AFF1: variants seen among roughly 807,000 people sequenced by gnomAD.
The protein encoded by AFF1 is ALF transcription elongation factor 1.
AFF1 carries 48 observed loss-of-function variants against 121.7 expected under a neutral mutation model. The ratio of observed to expected loss-of-function variants is 0.39; its 90% CI spans 0.31 to 0.50. AFF1 has a LOEUF of 0.50. Ranked by LOEUF, AFF1 falls within the 20% of genes least tolerant of loss-of-function variation. The probability of loss-of-function intolerance (pLI) is 0.76; values close to 1 mark genes in which losing one functional copy is unlikely to be tolerated. For missense variants in AFF1, 1,523 were observed against 1,511.7 expected (o/e 1.01, Z -0.12); for synonymous variants, 613 against 563.0 (o/e 1.09, Z -1.26).
intron 8 of AFF1, among the ~76,000 whole-genome samples, chr4:87,099,606 G>A (rs1225428418): frequency 6.6e-6 from 1 of 152,004 alleles, no homozygotes; most frequent in Non-Finnish European, 1.5e-5. Context: ...ACGGGGTTTC[G>A]CCGTTTGGCC....
intron 5 of AFF1, among the ~76,000 whole-genome samples, chr4:87,089,332 C>CAT (rs1724065369): frequency 6.6e-6 from 1 of 152,108 alleles, no homozygotes; most frequent in Non-Finnish European, 1.5e-5. Context: ...TGTCAAGATA[C>CAT]ATATATCAAT....
chr4:86,958,371 G>GT (rs1448458124), intron 2 of AFF1, among the ~76,000 whole-genome samples: 1 of 152,172 alleles, frequency 6.6e-6, no homozygotes, highest in Non-Finnish European at 1.5e-5. Context: ...GATTACAGGC[G>GT]TGAGTCACCG....
chr4:87,003,998 A>G (rs537281896), intron 2 of AFF1, among the ~76,000 whole-genome samples: 1 of 152,368 alleles, frequency 6.6e-6, no homozygotes, highest in Admixed American at 6.5e-5. Context: ...AGCATGATCT[A>G]GGTAAATGGC....
In AFF1 at chr4:87,137,250, CT is replaced by C. The variant is rs753137901; in HGVS notation, c.*1550del. The C allele has an allele frequency of 8.8e-5, 20 of 228,484 alleles. No homozygotes were observed. The highest frequency in any genetic ancestry group is 3.6e-4 in the South Asian group (2 of 5,484). 14.2% of individuals were successfully genotyped at this position (228,484 alleles called of 1,614,324 possible). On this transcript the variant is annotated 3_prime_UTR_variant, in exon 21 of 21. Coordinates refer to ENST00000395146, the MANE Select transcript of AFF1 (RefSeq NM_001166693.3). ...TCTCCGCCTTTGTCCCATTCTGCCC[CT>C]GTACATGTTTCCTACCAAGCATGTT...
chr4:86,968,983 A>G (rs1417883494), intron 2 of AFF1, among the ~76,000 whole-genome samples: 2 of 152,162 alleles, frequency 1.3e-5, no homozygotes, highest in African/African-American at 4.8e-5. Flanking sequence ...TTGTGAAGAA[A>G]AAAGGAGAGA....
At chr4:87,086,203 T>C (rs1723717844) in intron 5 of AFF1, among the ~76,000 whole-genome samples, 2 of 152,348 alleles carry the variant, frequency 1.3e-5, no homozygotes, top group African/African-American at 4.8e-5. Context: ...AATTATATAC[T>C]GTGGCCTTGG....
At chr4:87,119,158 CTA>C (rs1194601902) in intron 12 of AFF1, among the ~76,000 whole-genome samples, 1 of 152,152 alleles carries the variant, frequency 6.6e-6, no homozygotes, top group Non-Finnish European at 1.5e-5. Context: ...CATGCCTGGC[CTA>C]TGTTTTCTTC....
intron 8 of AFF1, among the ~76,000 whole-genome samples, chr4:87,096,493 A>G (rs573328906): frequency 6.7e-6 from 1 of 149,556 alleles, no homozygotes; most frequent in Non-Finnish European, 1.5e-5. Flanking sequence ...CAGCCTCCCA[A>G]AGTGCTGAGA....
chr4:87,031,772 G>A, intron 2 of AFF1, among the ~76,000 whole-genome samples: 1 of 152,166 alleles, frequency 6.6e-6, no homozygotes, highest in East Asian at 1.9e-4. Context: ...TTTACTTGCA[G>A]TGGATATATT....
At chr4:86,940,534 G>C (rs1308982689) in intron 1 of AFF1, among the ~76,000 whole-genome samples, 1 of 152,068 alleles carries the variant, frequency 6.6e-6, no homozygotes, top group East Asian at 1.9e-4. Flanking sequence ...GAATAGCTGG[G>C]ATCACAGGCA....
intron 14 of AFF1, 87 bp downstream of exon 14, chr4:87,126,423 A>C: frequency 8.0e-7 from 1 of 1,251,504 alleles, no homozygotes; most frequent in South Asian, 1.3e-5. Flanking sequence ...TAGTGATGGC[A>C]CTTCAGAACT....
chr4:87,022,604 G>A (rs13103799), intron 2 of AFF1, among the ~76,000 whole-genome samples: 7 of 97,958 alleles, frequency 7.1e-5, no homozygotes, highest in African/African-American at 1.1e-4. Flanking sequence ...CTATCTGTGT[G>A]TATATATATC....
At chr4:86,939,433 C>T (rs1720295015) in intron 1 of AFF1, among the ~76,000 whole-genome samples, 1 of 152,120 alleles carries the variant, frequency 6.6e-6, no homozygotes, top group Non-Finnish European at 1.5e-5. Context: ...TCTTTCTGAT[C>T]ACTATGGGAA....
chr4:87,116,371 T>C (rs924176957), intron 12 of AFF1, among the ~76,000 whole-genome samples: 2 of 152,206 alleles, frequency 1.3e-5, no homozygotes, highest in African/African-American at 4.8e-5. Context: ...TGCTTTTTCA[T>C]GATGATGAAA....
intron 20 of AFF1, among the ~76,000 whole-genome samples, chr4:87,135,032 TC>T (rs1256474384): frequency 2.6e-5 from 4 of 152,218 alleles, no homozygotes; most frequent in African/African-American, 4.8e-5. Flanking sequence ...CACTGGCTGT[TC>T]CTAGGCCCAG....
Position 87,139,991 on chromosome 4 carries a change from T to C in AFF1, c.*4290T>C, listed in dbSNP as rs934885878. 7 of 208,608 alleles carry C rather than the reference T, an allele frequency of 3.4e-5. No homozygotes were observed. Among genetic ancestry groups the C allele is most frequent in the Non-Finnish European group, 5.9e-5 (6 of 102,516 alleles). The allele number at this position is 208,608 out of a possible 1,614,324, so 12.9% of individuals were successfully genotyped here. A position where few individuals can be genotyped will look rare whatever the true frequency, so the allele number is the denominator to read the frequency against. On this transcript the variant is annotated 3_prime_UTR_variant, in exon 21 of 21. Transcript: ENST00000395146. ...CAGGAGGAAATGACATTATATTCTG[T>C]TCCACTGAACGTCAGAGATCAGCAG...
At chr4:87,069,238 G>C (rs1365053994) in intron 4 of AFF1, among the ~76,000 whole-genome samples, 1 of 149,488 alleles carries the variant, frequency 6.7e-6, no homozygotes, top group African/African-American at 2.5e-5. Context: ...AAACTTGATA[G>C]GTAATAGACA....
At chr4:86,974,081 T>C (rs1287495957) in intron 2 of AFF1, 1 of 152,228 alleles carries the variant, frequency 6.6e-6, no homozygotes, top group Non-Finnish European at 1.5e-5. Flanking sequence ...GGTAATTCTT[T>C]TTCTTTTGGG....
intron 2 of AFF1, among the ~76,000 whole-genome samples, chr4:87,025,013 C>T (rs1461410667): frequency 6.6e-6 from 1 of 152,190 alleles, no homozygotes; most frequent in African/African-American, 2.4e-5. Flanking sequence ...TGTGAGATAC[C>T]ACATTTTATG....
Sources: allele counts gnomAD v4.1 joint callset (sites outside exome capture counted in the v4.1 genomes callset), GRCh38; gene constraint gnomAD v4.1.1; transcripts MANE v1.5; gene names NCBI Gene and HGNC (gene_info 2026-07-23, HGNC 2026-07-21).